The following LRRC4C variants were observed in gnomAD, a reference collection of about 807,000 sequenced individuals.
LRRC4C encodes leucine rich repeat containing 4C.
LRRC4C carries 5 observed loss-of-function variants against 33.6 expected under a neutral mutation model. The ratio of observed to expected loss-of-function variants is 0.15; its 90% CI spans 0.08 to 0.31. The LOEUF (loss-of-function observed/expected upper bound fraction) is 0.31. LRRC4C is among the 10% of genes least tolerant of loss of function. The pLI, the probability that LRRC4C is intolerant of heterozygous loss-of-function variation, is 1.00. For synonymous variants in LRRC4C, 329 were observed against 302.0 expected (o/e 1.09, Z -0.93); for missense variants, 560 against 796.7 (o/e 0.70, Z 3.58).
At chr11:40,307,001 T>C (rs1046066214) in intron 4 of LRRC4C, among the ~76,000 whole-genome samples, 8 of 10,328 alleles carry the variant, frequency 7.7e-4, no homozygotes, top group Admixed American at 1.5e-3. Flanking sequence ...TATGTATCTA[T>C]GTATCTATCT....
intron 2 of LRRC4C, among the ~76,000 whole-genome samples, chr11:40,843,069 C>T (rs1360313349): frequency 6.6e-6 from 1 of 152,122 alleles, no homozygotes; most frequent in Non-Finnish European, 1.5e-5. Flanking sequence ...TATTGAAATT[C>T]TAATCTATAC....
At chr11:40,577,523 G>A (rs1330690074) in intron 3 of LRRC4C, among the ~76,000 whole-genome samples, 2 of 152,146 alleles carry the variant, frequency 1.3e-5, no homozygotes, top group Non-Finnish European at 2.9e-5. Context: ...AGTTCTTAAT[G>A]GGGTAGTGAA....
At chr11:40,914,847 A>G (rs1956872344) in intron 2 of LRRC4C, among the ~76,000 whole-genome samples, 2 of 152,232 alleles carry the variant, frequency 1.3e-5, no homozygotes, top group African/African-American at 4.8e-5. Flanking sequence ...CAACTTCAGC[A>G]AAGTCTCAGG....
intron 2 of LRRC4C, among the ~76,000 whole-genome samples, chr11:40,711,143 G>A (rs539438924): frequency 2.7e-4 from 41 of 152,116 alleles, no homozygotes; most frequent in East Asian, 9.7e-4. Context: ...GACCCCTTTC[G>A]CTTCCCGGGT....
intron 3 of LRRC4C, among the ~76,000 whole-genome samples, chr11:40,459,214 CTTCCTG>C (rs144489085): frequency 6.6e-6 from 1 of 152,312 alleles, no homozygotes; most frequent in African/African-American, 2.4e-5. Context: ...TCAATACTAA[CTTCCTG>C]TTACTATTGA....
At chr11:40,395,653 C>T (rs901942814) in intron 3 of LRRC4C, among the ~76,000 whole-genome samples, 14 of 152,136 alleles carry the variant, frequency 9.2e-5, no homozygotes, top group African/African-American at 3.1e-4. Flanking sequence ...TTTGTGTGTG[C>T]TATTCAATTG....
At chr11:41,104,574 T>C (rs1423550484) in intron 1 of LRRC4C, among the ~76,000 whole-genome samples, 1 of 151,914 alleles carries the variant, frequency 6.6e-6, no homozygotes, top group Non-Finnish European at 1.5e-5. Flanking sequence ...AAATGCTAAA[T>C]GTGGAGTGAA....
Position 40,563,947 on chromosome 11 carries a change from T to C in LRRC4C, c.-270+84195A>G, listed in dbSNP as rs887713878. 4.6e-5 allele frequency among the ~76,000 whole-genome samples: 7 copies of C among 152,310 alleles called. No homozygotes were observed. The East Asian group carries it at 1.4e-3, about 29-fold the overall frequency. ...CTTCATCCCCCATAAGTCAGGCCAA[T>C]AACTAGGGTTACATTTCAGTGCACG... On this transcript the variant is annotated intron_variant, in intron 3 of 6. Coordinates refer to ENST00000528697, the MANE Select transcript of LRRC4C (RefSeq NM_001258419.2).
chr11:41,264,050 G>T (rs377162345), intron 1 of LRRC4C, among the ~76,000 whole-genome samples: 1 of 151,040 alleles, frequency 6.6e-6, no homozygotes, highest in East Asian at 1.9e-4. Flanking sequence ...ATTGCAAATG[G>T]TTACTTTTAT....
chr11:41,278,332 T>C (rs1305716939), intron 1 of LRRC4C, among the ~76,000 whole-genome samples: 1 of 152,140 alleles, frequency 6.6e-6, no homozygotes, highest in Admixed American at 6.5e-5. Context: ...AAACAAACTA[T>C]AACCAACCAT....
At chr11:40,260,231 A>T (rs1246696006) in intron 4 of LRRC4C, among the ~76,000 whole-genome samples, 15 of 125,640 alleles carry the variant, frequency 1.2e-4, no homozygotes, top group South Asian at 9.1e-4. Flanking sequence ...GCCATAAAAA[A>T]TGATGAGTTC....
At chr11:41,325,577 T>TTTTTTG (rs202169756) in intron 1 of LRRC4C, among the ~76,000 whole-genome samples, 1 of 104,160 alleles carries the variant, frequency 9.6e-6, no homozygotes, top group South Asian at 3.3e-4. Context: ...TTTTTTTTTT[T>TTTTTTG]TGTGTGTGTG....
intron 3 of LRRC4C, among the ~76,000 whole-genome samples, chr11:40,559,649 T>A (rs1287791473): frequency 6.6e-6 from 1 of 152,166 alleles, no homozygotes; most frequent in East Asian, 1.9e-4. Context: ...TGTGTAAGTG[T>A]TCCCTTTTCT....
intron 3 of LRRC4C, among the ~76,000 whole-genome samples, chr11:40,547,030 C>T (rs901369108): frequency 3.9e-5 from 6 of 152,222 alleles, no homozygotes; most frequent in South Asian, 2.1e-4. Context: ...ACACAGCCTT[C>T]GCTGTAAGTT....
intron 1 of LRRC4C, among the ~76,000 whole-genome samples, chr11:41,245,620 T>G (rs1295089607): frequency 2.0e-5 from 3 of 152,226 alleles, no homozygotes; most frequent in Non-Finnish European, 2.9e-5. Context: ...CTCCTAGGTC[T>G]GGGCTCCTGA....
At chr11:41,085,776 A>G (rs1939927591) in intron 1 of LRRC4C, among the ~76,000 whole-genome samples, 1 of 152,090 alleles carries the variant, frequency 6.6e-6, no homozygotes, top group Admixed American at 6.5e-5. Flanking sequence ...GACTCTTAGC[A>G]ACAGATTAGT....
At chr11:40,447,895 C>T (rs1951711870) in intron 3 of LRRC4C, among the ~76,000 whole-genome samples, 1 of 152,166 alleles carries the variant, frequency 6.6e-6, no homozygotes, top group African/African-American at 2.4e-5. Context: ...TGGCTCACTG[C>T]AACATCTGCC....
intron 2 of LRRC4C, among the ~76,000 whole-genome samples, chr11:40,834,891 GA>G: frequency 1.7e-5 from 1 of 60,028 alleles, no homozygotes; most frequent in African/African-American, 4.4e-5. Flanking sequence ...CAGGCAGACA[GA>G]CAGACAGACA....
chr11:40,550,688 C>A (rs1364398634), intron 3 of LRRC4C, among the ~76,000 whole-genome samples: 2 of 152,016 alleles, frequency 1.3e-5, no homozygotes, highest in Non-Finnish European at 2.9e-5. Context: ...AGTGGTGACA[C>A]ACAGAATGGT....
Sources: gnomAD v4.1 joint callset for allele counts (sites outside exome capture counted in the v4.1 genomes callset) on GRCh38, gnomAD v4.1.1 for gene constraint, MANE v1.5 for transcripts, NCBI Gene and HGNC (gene_info 2026-07-23, HGNC 2026-07-21) for gene names.